Variants in BBC3 observed in about 807,000 individuals in gnomAD.
BBC3 encodes the protein bcl-2-binding component 3.
BBC3 carries 5 observed loss-of-function variants against 18.2 expected under a neutral mutation model. The observed-to-expected ratio is 0.27, with a 90% CI of 0.14 to 0.58. The LOEUF (loss-of-function observed/expected upper bound fraction) is 0.58. Among genes scored for constraint, BBC3 ranks in the 20% least tolerant of loss-of-function variants. The probability of loss-of-function intolerance (pLI) is 0.91; values close to 1 mark genes in which losing one functional copy is unlikely to be tolerated. For synonymous variants in BBC3, 119 were observed against 128.0 expected, an observed-to-expected ratio of 0.93 and a Z score of 0.47; for missense variants, 224 against 268.9, an observed-to-expected ratio of 0.83 and a Z score of 1.17.
chr19:47,228,306 G>A lies in BBC3; in HGVS notation c.126C>T (p.Pro42=), dbSNP rs994270563. The A allele has an allele frequency of 1.4e-5, 17 of 1,223,456 alleles. No individual in the cohort carries two copies. The Admixed American group carries it at 6.0e-4, about 43-fold the overall frequency. 75.8% of individuals were successfully genotyped at this position (1,223,456 alleles called of 1,614,324 possible). A position where few individuals can be genotyped will look rare whatever the true frequency, so the allele number is the denominator to read the frequency against. The change falls in exon 2 of 4, where the codon CCC becomes CCT. Residue 42 remains proline, a synonymous_variant. Transcript: ENST00000439096. This position sits in a 1 kb window ranked among gnomAD's most constrained non-coding sequence, Gnocchi z 5.5. ...PSAVSCGLCE[P]GLAAAPAAPT... ...GGGCGGCGGGGGCGGCAGCCAGGCCGGGCTCGCAGAGGCCGCAGGACACTG... is the reference window on the plus strand; with the variant it reads ...GGGCGGCGGGGGCGGCAGCCAGGCCAGGCTCGCAGAGGCCGCAGGACACTG...
chr19:47,221,426 G>GCCCCCCCCCCCCCCCCCCCCC lies in BBC3; in HGVS notation c.*375_*376insGGGGGGGGGGGGGGGGGGGGG. On this transcript the variant is annotated 3_prime_UTR_variant, in exon 4 of 4. Coordinates refer to ENST00000439096, the MANE Select transcript of BBC3 (RefSeq NM_014417.5). ...AGAGTGAAGGAGCACCGAGAGGAGA[G>GCCCCCCCCCCCCCCCCCCCCC]CCCCCCCCTCCCAGTGTCACCCCTG... The GCCCCCCCCCCCCCCCCCCCCC allele has an allele frequency of 1.8e-5, 3 of 167,318 alleles. 1 individual carries two copies. Among genetic ancestry groups the GCCCCCCCCCCCCCCCCCCCCC allele is most frequent in the South Asian group, 1.5e-4 (1 of 6,714 alleles). 10.4% of individuals were successfully genotyped at this position (167,318 alleles called of 1,614,324 possible).
At chr19:47,224,634 A>C (rs1238793531) in intron 3 of BBC3, among the ~76,000 whole-genome samples, 1 of 152,174 alleles carries the variant, frequency 6.6e-6, no homozygotes, top group Non-Finnish European at 1.5e-5. Flanking sequence ...TAAACATAAA[A>C]TAAAAATACA....
chr19:47,225,518 G>A (rs2058803943), intron 3 of BBC3, among the ~76,000 whole-genome samples: 2 of 151,800 alleles, frequency 1.3e-5, no homozygotes, highest in African/African-American at 2.4e-5. Flanking sequence ...CACCACACCC[G>A]GCTAATTTTT....
chr19:47,228,551 G>A lies in BBC3; in HGVS notation c.-15-105C>T. On this transcript the variant is annotated intron_variant, in intron 1 of 3. Transcript: ENST00000439096. The surrounding 1 kb of genome is among the most constrained non-coding windows in gnomAD (Gnocchi z 5.5). ...CCCAGATGGAGAAGAGTGGAGGTGT[G>A]TGTGCATGCGGAGGGGGTGACGGCC... The A allele has an allele frequency of 9.2e-7, 1 of 1,088,556 alleles. No individual in the cohort carries two copies. The highest frequency in any genetic ancestry group is 1.2e-6 in the Non-Finnish European group (1 of 859,972). The allele number at this position is 1,088,556 out of a possible 1,614,324, so 67.4% of individuals were successfully genotyped here. A position where few individuals can be genotyped will look rare whatever the true frequency, so the allele number is the denominator to read the frequency against.
At position 47,230,176 on chromosome 19, in the gene BBC3, C is replaced by T. The variant is rs553101384; in HGVS notation, c.-16+753G>A. Among the ~76,000 whole-genome samples, 6 of 152,052 alleles carry T rather than the reference C, an allele frequency of 3.9e-5. No individual in the cohort carries two copies. Among genetic ancestry groups the T allele is most frequent in the Admixed American group, 3.3e-4 (5 of 15,276 alleles). ...GTCCACCCACCCCACAAGCAGGGCA[C>T]CCACAGACAGAACCCCACACAAACA... On this transcript the variant is annotated intron_variant, in intron 1 of 3. Coordinates refer to ENST00000439096, the MANE Select transcript of BBC3 (RefSeq NM_014417.5). The surrounding 1 kb of genome is among the most constrained non-coding windows in gnomAD (Gnocchi z 6.7).
intron 2 of BBC3, chr19:47,227,001 C>G: frequency 2.7e-6 from 1 of 373,952 alleles, no homozygotes; most frequent in Non-Finnish European, 4.8e-6. Context: ...GGAAGGTAGA[C>G]GGCCAGAGAG....
At chr19:47,232,761 C>T (rs2058926845), upstream of BBC3, 6 of 594,688 alleles carry the variant, frequency 1.0e-5, no homozygotes, top group Non-Finnish European at 5.7e-6. Flanking sequence ...CAATCGCAAT[C>T]GCCTCACCAG....
chr19:47,227,326 C>G (rs1449307708), intron 2 of BBC3: 1 of 113,398 alleles, frequency 8.8e-6, no homozygotes, highest in Admixed American at 8.4e-5. Flanking sequence ...CCCCCCCCCC[C>G]CACTTCTGAG....
At chr19:47,222,963 CAAAAAAAAAA>C (rs763480070) in intron 3 of BBC3, among the ~76,000 whole-genome samples, 1 of 60,474 alleles carries the variant, frequency 1.7e-5, no homozygotes, top group Non-Finnish European at 3.1e-5. Flanking sequence ...AACTCTGTCT[CAAAAAAAAAA>C]AAAAAAAAAA....
Position 47,228,129 on chromosome 19 carries a change from A to G in BBC3, c.274+29T>C. ...CCAGCCCTCTCTCTTCCCGGCTCCT[A>G]TCACCCCGGGGGCGGGGCGGGCACT... On this transcript the variant is annotated intron_variant, in intron 2 of 3. Transcript: ENST00000439096. This position sits in a 1 kb window ranked among gnomAD's most constrained non-coding sequence, Gnocchi z 5.5. 2 of 1,224,188 alleles carry G rather than the reference A, an allele frequency of 1.6e-6. No homozygotes were observed. Among genetic ancestry groups the G allele is most frequent in the African/African-American group, 1.6e-5 (1 of 64,224 alleles). 75.8% of individuals were successfully genotyped at this position (1,224,188 alleles called of 1,614,324 possible).
At position 47,230,587 on chromosome 19, in the gene BBC3, C is replaced by A. The variant is rs555864150; in HGVS notation, c.-16+342G>T. Among the ~76,000 whole-genome samples the A allele has an allele frequency of 1.3e-5, 2 of 151,842 alleles. No individual in the cohort carries two copies. The highest frequency in any genetic ancestry group is 1.9e-4 in the East Asian group (1 of 5,166). ...GTGGCCGCCCCTCCGTGCCGCCCCC[C>A]CGCCCCTCCCGGACTTTGGGGGCTG... is the stretch of plus-strand genomic sequence containing the variant. On this transcript the variant is annotated intron_variant, in intron 1 of 3. Transcript: ENST00000439096. The surrounding 1 kb of genome is among the most constrained non-coding windows in gnomAD (Gnocchi z 6.7).
At chr19:47,231,922 C>G (rs539103358), upstream of BBC3, among the ~76,000 whole-genome samples, 2 of 152,186 alleles carry the variant, frequency 1.3e-5, no homozygotes, top group Non-Finnish European at 2.9e-5. This position sits in a 1 kb window ranked among gnomAD's most constrained non-coding sequence, Gnocchi z 4.0. Context: ...TGCTGATAGG[C>G]ACAGGGGACA....
At chr19:47,226,182 A>G (rs933776292) in intron 3 of BBC3, among the ~76,000 whole-genome samples, 2 of 151,324 alleles carry the variant, frequency 1.3e-5, no homozygotes, top group African/African-American at 4.9e-5. Flanking sequence ...GCCGCGCGAG[A>G]GGGACGGCAG....
At chr19:47,229,411 C>G (rs2058881693) in intron 1 of BBC3, among the ~76,000 whole-genome samples, 1 of 151,748 alleles carries the variant, frequency 6.6e-6, no homozygotes, top group Non-Finnish European at 1.5e-5. Flanking sequence ...CCTCAACACA[C>G]CACCAGACAC....
At chr19:47,223,840 G>GT (rs2058779328) in intron 3 of BBC3, among the ~76,000 whole-genome samples, 1 of 152,122 alleles carries the variant, frequency 6.6e-6, no homozygotes, top group African/African-American at 2.4e-5. Context: ...TCGGATTGGT[G>GT]TAAGTTACAA....
Position 47,231,183 on chromosome 19 carries a change from G to T in BBC3, c.-270C>A. ...CGCCGCCAGGCGCCCGCTCGCATGT[G>T]GCTCGCGCCGCGTCTCAGGCCGCCC... On this transcript the variant is annotated 5_prime_UTR_variant, in exon 1 of 4. Transcript: ENST00000439096. This position sits in a 1 kb window ranked among gnomAD's most constrained non-coding sequence, Gnocchi z 4.0. The T allele has an allele frequency of 1.0e-6, 1 of 983,678 alleles. No homozygotes were observed. Among genetic ancestry groups the T allele is most frequent in the South Asian group, 4.5e-5 (1 of 22,126 alleles). The allele number at this position is 983,678 out of a possible 1,614,324, so 60.9% of individuals were successfully genotyped here.
upstream of BBC3, chr19:47,231,233 GCCGCCCCGCC>G (rs943175432): frequency 1.5e-5 from 15 of 975,966 alleles, no homozygotes; most frequent in South Asian, 1.8e-4. This position sits in a 1 kb window ranked among gnomAD's most constrained non-coding sequence, Gnocchi z 4.0. Flanking sequence ...CCGCTCCAAA[GCCGCCCCGCC>G]CCGCCCCGCC....
At chr19:47,222,346 G>GC (rs913659568) in intron 3 of BBC3, 61 of 155,396 alleles carry the variant, frequency 3.9e-4, no homozygotes, top group South Asian at 6.0e-4. Flanking sequence ...ACTGGGAAGA[G>GC]CCCCCCCCAT....
At position 47,230,712 on chromosome 19, in the gene BBC3, C is replaced by A; in HGVS notation, c.-16+217G>T. On this transcript the variant is annotated intron_variant, in intron 1 of 3. Transcript: ENST00000439096. This position sits in a 1 kb window ranked among gnomAD's most constrained non-coding sequence, Gnocchi z 6.7. ...TTGTTTGTAAACAAACCCGCCAGAC[C>A]GCCGAGGCACCTGTGCGCCCAGACC... 1.0e-6 allele frequency: 1 copy of A among 984,980 alleles called. No individual in the cohort carries two copies. The highest frequency in any genetic ancestry group is 1.2e-6 in the Non-Finnish European group (1 of 829,590). The allele number at this position is 984,980 out of a possible 1,614,324, so 61.0% of individuals were successfully genotyped here.
Sources: allele counts gnomAD v4.1 joint callset (sites outside exome capture counted in the v4.1 genomes callset), GRCh38; gene constraint gnomAD v4.1.1; non-coding constraint Gnocchi (gnomAD v3.1); transcripts MANE v1.5; gene names NCBI Gene and HGNC (gene_info 2026-07-23, HGNC 2026-07-21).